The following ADGRD1 variants were observed in gnomAD, a reference collection of about 807,000 sequenced individuals.
ADGRD1 encodes adhesion G protein-coupled receptor D1.
In ADGRD1, 77 loss-of-function variants were observed where a neutral mutation model predicts 113.4. The observed-to-expected ratio is 0.68, with a 90% CI of 0.57 to 0.82. The LOEUF is 0.82. Ranked by LOEUF, ADGRD1 falls within the 40% of genes least tolerant of loss-of-function variation. ADGRD1 has a pLI of 0.00. For missense variants in ADGRD1, 1,036 were observed against 1,139.1 expected, an observed-to-expected ratio of 0.91 and a Z score of 1.30; for synonymous variants, 474 against 475.0, an observed-to-expected ratio of 1.00 and a Z score of 0.03.
chr12:131,077,163 G>A (rs1416513196), intron 14 of ADGRD1, among the ~76,000 whole-genome samples: 1 of 152,298 alleles, frequency 6.6e-6, no homozygotes, highest in East Asian at 1.9e-4. Context: ...GCTCGGGGGA[G>A]CTGGAGGATG....
chr12:131,003,194 G>A lies in ADGRD1; in HGVS notation c.1036G>A (p.Val346Met), dbSNP rs764133268. 55 of 1,613,158 alleles carry A rather than the reference G, an allele frequency of 3.4e-5. No homozygotes were observed. Among genetic ancestry groups the A allele is most frequent in the Non-Finnish European group, 4.2e-5 (49 of 1,179,336 alleles). Residue 346 changes from valine to methionine, a missense_variant, in exon 10 of 25, where the codon GTG becomes ATG. Transcript: ENST00000261654. This position sits in a 1 kb window ranked among gnomAD's most constrained non-coding sequence, Gnocchi z 4.8. ...GCTTGTGTTGCTGCAGGACAGCGCCGTGGTACTGAGTCTCATCGACACTAT... is the reference window on the plus strand; with the variant it reads ...GCTTGTGTTGCTGCAGGACAGCGCCATGGTACTGAGTCTCATCGACACTAT... The part of the protein sequence containing the change: ...GWIALSEDSA[V>M]VLSLIDTIDT...
rs759355473 is a variant in ADGRD1 at position 131,076,838 on chromosome 12, A to G, written c.1511A>G (p.Asn504Ser). The change falls in exon 14 of 25, where the codon AAC (asparagine) becomes AGC (serine). Residue 504 changes from asparagine (N) to serine (S), a missense_variant. Asn to Ser is a conservative substitution (Grantham distance 46). Transcript: ENST00000261654. ...KQHSEATNSS[N>S]RVFVYCAFLD... is the part of the protein sequence containing the mutation. ...CACAGTGAGGCCACCAACAGCAGCAACCGAGTCTTCGTGTACTGCGCCTTC... is the reference window on the plus strand; with the variant it reads ...CACAGTGAGGCCACCAACAGCAGCAGCCGAGTCTTCGTGTACTGCGCCTTC... 1.2e-6 allele frequency: 2 copies of G among 1,614,144 alleles called. No homozygotes were observed. The highest frequency in any genetic ancestry group is 1.1e-5 in the South Asian group (1 of 91,086).
chr12:131,119,458 G>GT (rs1408436732), intron 19 of ADGRD1, among the ~76,000 whole-genome samples: 18 of 152,180 alleles, frequency 1.2e-4, no homozygotes, highest in Non-Finnish European at 2.2e-4. Context: ...ACAGCTCAAT[G>GT]GCATTTGTTC....
At position 131,060,800 on chromosome 12, in the gene ADGRD1, GGA is replaced by G. The variant is rs1214574469; in HGVS notation, c.1474-15998_1474-15997del. Among the ~76,000 whole-genome samples the G allele has an allele frequency of 3.9e-5, 6 of 152,066 alleles. No homozygotes were observed. The highest frequency in any genetic ancestry group is 7.2e-5 in the African/African-American group (3 of 41,396). On this transcript the variant is annotated intron_variant, in intron 13 of 24. Transcript: ENST00000261654. This position sits in a 1 kb window ranked among gnomAD's most constrained non-coding sequence, Gnocchi z 4.4. ...AAAATCACTTATGATCTCACTGCCT[GGA>G]GATCCCATTGCCTGGATTCTCAGGC...
In ADGRD1 at chr12:131,041,765, G is replaced by A. The variant is rs1882158051; in HGVS notation, c.1473+27425G>A. ...TTGCCGCAGCCTCCCCCTGCCTGGCGCCTCTGCCTGCACCCGCCTGGGAAG... is the reference window on the plus strand; with the variant it reads ...TTGCCGCAGCCTCCCCCTGCCTGGCACCTCTGCCTGCACCCGCCTGGGAAG... On this transcript the variant is annotated intron_variant, in intron 13 of 24. Coordinates refer to ENST00000261654, the MANE Select transcript of ADGRD1 (RefSeq NM_198827.5). The surrounding 1 kb of genome is among the most constrained non-coding windows in gnomAD (Gnocchi z 4.4). Among the ~76,000 whole-genome samples the A allele has an allele frequency of 6.6e-6, 1 of 152,280 alleles. No individual in the cohort carries two copies. The highest frequency in any genetic ancestry group is 2.4e-5 in the African/African-American group (1 of 41,554).
intron 13 of ADGRD1, chr12:131,024,382 G>C (rs1390675950): frequency 6.6e-6 from 1 of 152,272 alleles, no homozygotes; most frequent in Non-Finnish European, 1.5e-5. Flanking sequence ...AAAGCCACCA[G>C]GGTTTCCAGT....
In ADGRD1 at chr12:131,113,512, AT is replaced by A. The variant is rs1021090037; in HGVS notation, c.2041+4639del. Among the ~76,000 whole-genome samples the A allele has an allele frequency of 1.3e-5, 2 of 152,184 alleles. No homozygotes were observed. The highest frequency in any genetic ancestry group is 2.9e-5 in the Non-Finnish European group (2 of 68,024). Reference sequence around the variant, plus strand: ...CTGCTACTTGTTTCAAATACGTTTAATTTTCACAGTCTTTGTTATGCAAGTA... The same window carrying A: ...CTGCTACTTGTTTCAAATACGTTTAATTTCACAGTCTTTGTTATGCAAGTA... On this transcript the variant is annotated intron_variant, in intron 18 of 24. Transcript: ENST00000261654. The surrounding 1 kb of genome is among the most constrained non-coding windows in gnomAD (Gnocchi z 4.9).
chr12:130,961,300 G>A lies in ADGRD1; in HGVS notation c.104-5163G>A, dbSNP rs137880722. ...TCTCCTATGTCTGTCTCTGACACAC[G>A]CACACACCAAACTTAATAAAACATT... On this transcript the variant is annotated intron_variant, in intron 2 of 24. Transcript: ENST00000261654. 5.7e-3 allele frequency among the ~76,000 whole-genome samples: 863 copies of A among 152,224 alleles called. 7 individuals are homozygous for A. Among genetic ancestry groups the A allele is most frequent in the African/African-American group, 0.02 (816 of 41,518 alleles).
chr12:131,115,026 G>GC lies in ADGRD1; in HGVS notation c.2042-3352dup, dbSNP rs1215611166. Among the ~76,000 whole-genome samples the GC allele has an allele frequency of 4.6e-5, 7 of 152,082 alleles. No individual in the cohort carries two copies. In the East Asian group the frequency reaches 9.6e-4, roughly 21 times the overall value. ...GGACAAAACTTAATCTTAGTTCCAG[G>GC]CCCCCCCTTTCTCTGAAGCTGCACT... On this transcript the variant is annotated intron_variant, in intron 18 of 24. Coordinates refer to ENST00000261654, the MANE Select transcript of ADGRD1 (RefSeq NM_198827.5).
chr12:131,010,611 G>A (rs924215504), intron 12 of ADGRD1, among the ~76,000 whole-genome samples: 13 of 152,194 alleles, frequency 8.5e-5, no homozygotes, highest in African/African-American at 1.7e-4. Context: ...AACGGAAGGC[G>A]GAGCAGCAGC....
At chr12:131,026,475 G>A (rs1197287006) in intron 13 of ADGRD1, 2 of 152,272 alleles carry the variant, frequency 1.3e-5, no homozygotes, top group South Asian at 2.1e-4. Flanking sequence ...GCCGAGCTCC[G>A]GAGCGCTTTC....
chr12:131,076,830 C>G lies in ADGRD1; in HGVS notation c.1503C>G (p.Asn501Lys). 1 of 1,614,144 alleles carries G rather than the reference C, an allele frequency of 6.2e-7. No individual in the cohort carries two copies. The highest frequency in any genetic ancestry group is 2.2e-5 in the East Asian group (1 of 44,884). The change falls in exon 14 of 25, where the codon AAC becomes AAG. Residue 501 changes from asparagine to lysine, a missense_variant. By Grantham distance (94) the Asn-to-Lys change is moderately conservative (BLOSUM62 0). Transcript: ENST00000261654. ...LTRKQHSEAT[N>K]SSNRVFVYCA... Reference sequence around the variant, plus strand: ...GTAAGCAGCACAGTGAGGCCACCAACAGCAGCAACCGAGTCTTCGTGTACT... The same window carrying G: ...GTAAGCAGCACAGTGAGGCCACCAAGAGCAGCAACCGAGTCTTCGTGTACT...
chr12:130,968,400 T>C (rs771178224), intron 3 of ADGRD1: 4 of 153,026 alleles, frequency 2.6e-5, no homozygotes, highest in Non-Finnish European at 5.8e-5. Context: ...CTGGCATATT[T>C]GAATTGATTA....
chr12:131,078,430 A>G (rs1481791395), intron 14 of ADGRD1, among the ~76,000 whole-genome samples: 3 of 152,242 alleles, frequency 2.0e-5, no homozygotes, highest in Non-Finnish European at 2.9e-5. Flanking sequence ...TGCCCTGGTC[A>G]GGCTCAGCAG....
intron 13 of ADGRD1, chr12:131,035,322 G>A (rs1881257686): frequency 6.6e-6 from 1 of 152,374 alleles, no homozygotes; most frequent in Non-Finnish European, 1.5e-5. Context: ...TCTCCCAGCA[G>A]GTGGTGTGCG....
chr12:131,077,285 T>C lies in ADGRD1; in HGVS notation c.1547+411T>C, dbSNP rs185696120. On this transcript the variant is annotated intron_variant, in intron 14 of 24. Coordinates refer to ENST00000261654, the MANE Select transcript of ADGRD1 (RefSeq NM_198827.5). ...CTGACTAGCCACGTTGGCATTTTCC[T>C]GTTTGAAACCTTGCCGGCTCCACTG... is the stretch of plus-strand genomic sequence containing the variant. Among the ~76,000 whole-genome samples the C allele has an allele frequency of 3.3e-5, 5 of 152,272 alleles. No individual in the cohort carries two copies. The East Asian group carries it at 9.7e-4, about 30-fold the overall frequency.
intron 13 of ADGRD1, among the ~76,000 whole-genome samples, chr12:131,017,620 A>C (rs1296281371): frequency 3.2e-5 from 4 of 125,032 alleles, no homozygotes; most frequent in South Asian, 2.8e-4. Flanking sequence ...CCAGCACACA[A>C]ACACCTAGTG....
At chr12:131,108,576 C>A in intron 17 of ADGRD1, 148 bp from the exon 18 acceptor site, 1 of 1,114,822 alleles carries the variant, frequency 9.0e-7, no homozygotes, top group Non-Finnish European at 1.3e-6. Context: ...AATCCCTGGG[C>A]TTGAGCAACA....
At chr12:131,107,782 A>G (rs565839137) in intron 17 of ADGRD1, among the ~76,000 whole-genome samples, 48 of 152,346 alleles carry the variant, frequency 3.2e-4, no homozygotes, top group African/African-American at 1.1e-3. Context: ...ATCTAGATAT[A>G]ACAGATCATG....
Sources: gnomAD v4.1 joint callset for allele counts (sites outside exome capture counted in the v4.1 genomes callset) on GRCh38, gnomAD v4.1.1 for gene constraint, Gnocchi (gnomAD v3.1) non-coding constraint, MANE v1.5 for transcripts, NCBI Gene and HGNC (gene_info 2026-07-23, HGNC 2026-07-21) for gene names.